MDM2: variants seen among roughly 807,000 people sequenced by gnomAD.
MDM2 encodes the protein E3 ubiquitin-protein ligase Mdm2.
Under a neutral mutation model 64.3 loss-of-function variants are expected in MDM2, and 11 were observed. The observed-to-expected ratio is 0.17, with a 90% CI of 0.11 to 0.28. The LOEUF is 0.28. Ranked by LOEUF, MDM2 falls within the 10% of genes least tolerant of loss-of-function variation. The pLI is 1.00. For missense variants in MDM2, 388 were observed against 577.1 expected (o/e 0.67, Z 3.36); for synonymous variants, 194 against 192.9 (o/e 1.01, Z -0.05).
rs572192142 is a variant in MDM2 at position 68,843,609 on chromosome 12, G to A, written c.*3760G>A. The A allele has an allele frequency of 4.5e-3, 1,006 of 225,722 alleles. 13 individuals carry two copies. Among genetic ancestry groups the A allele is most frequent in the African/African-American group, 0.021 (927 of 44,946 alleles). 14.0% of individuals were successfully genotyped at this position (225,722 alleles called of 1,614,324 possible). On this transcript the variant is annotated 3_prime_UTR_variant, in exon 11 of 11. Transcript: ENST00000258149. ...TGTGAATTGTATATACTTAGGTGAA[G>A]ACAATAAAATCAACTGAACTGTAAG... is the stretch of plus-strand genomic sequence containing the variant.
chr12:68,829,218 TGCACCAATA>T (rs1212386628), intron 8 of MDM2, among the ~76,000 whole-genome samples: 1 of 152,166 alleles, frequency 6.6e-6, no homozygotes, highest in Non-Finnish European at 1.5e-5. Flanking sequence ...TGTGGACCAC[TGCACCAATA>T]GTACAGTCAA....
At chr12:68,830,149 C>T (rs191787783) in intron 8 of MDM2, among the ~76,000 whole-genome samples, 129 of 152,026 alleles carry the variant, frequency 8.5e-4, no homozygotes, top group Non-Finnish European at 1.1e-3. Flanking sequence ...ATGTCGCCCA[C>T]GGAAACCAAA....
At chr12:68,834,107 C>G (rs1883118126) in intron 8 of MDM2, among the ~76,000 whole-genome samples, 1 of 152,146 alleles carries the variant, frequency 6.6e-6, no homozygotes, top group Admixed American at 6.5e-5. Flanking sequence ...ATCATTTAAT[C>G]TAAGCTCCTT....
At chr12:68,837,316 G>C (rs1721277386) in intron 10 of MDM2, among the ~76,000 whole-genome samples, 1 of 151,578 alleles carries the variant, frequency 6.6e-6, no homozygotes, top group South Asian at 2.1e-4. Context: ...TCATCACCCA[G>C]CTTTAACTAT....
intron 4 of MDM2, 168 bp downstream of exon 4, chr12:68,817,113 C>A: frequency 3.0e-6 from 2 of 664,672 alleles, no homozygotes; most frequent in Non-Finnish European, 4.7e-6. Context: ...TGAGCTCTGG[C>A]ATCTTATAAA....
At chr12:68,846,724 T>G (rs1884321063), downstream of MDM2, 1 of 152,238 alleles carries the variant, frequency 6.6e-6, no homozygotes, top group African/African-American at 2.4e-5. Context: ...AAATGGGTGC[T>G]TGCTTTTCAC....
chr12:68,843,317 T>A lies in MDM2; in HGVS notation c.*3468T>A, dbSNP rs191269358. 8.1e-4 allele frequency: 176 copies of A among 218,354 alleles called. No individual in the cohort carries two copies. The East Asian group carries it at 0.011, about 14-fold the overall frequency. 13.5% of individuals were successfully genotyped at this position (218,354 alleles called of 1,614,324 possible). ...TATTGAGAGAGAGAGAGAGAGAGAG[T>A]AGGGTGACTATAGTTAATGTATTGA... On this transcript the variant is annotated 3_prime_UTR_variant, in exon 11 of 11. Coordinates refer to ENST00000258149, the MANE Select transcript of MDM2 (RefSeq NM_002392.6).
intron 4 of MDM2, among the ~76,000 whole-genome samples, chr12:68,818,848 A>G (rs1261906051): frequency 6.6e-6 from 1 of 151,416 alleles, no homozygotes; most frequent in African/African-American, 2.4e-5. Context: ...CTCTTGCCTC[A>G]GCCTCCTGAG....
chr12:68,820,881 C>T (rs1881781767), intron 5 of MDM2, among the ~76,000 whole-genome samples: 1 of 151,998 alleles, frequency 6.6e-6, no homozygotes, highest in Non-Finnish European at 1.5e-5. Flanking sequence ...GGTTCTTGTT[C>T]CAGAAAGATG....
chr12:68,846,148 T>A (rs539292109), downstream of MDM2: 17 of 152,220 alleles, frequency 1.1e-4, no homozygotes, highest in African/African-American at 4.1e-4. Context: ...AGAGATGGGG[T>A]TTCAGCATGT....
At chr12:68,812,197 T>TA (rs56187630) in intron 2 of MDM2, among the ~76,000 whole-genome samples, 192 of 149,094 alleles carry the variant, frequency 1.3e-3, no homozygotes, top group African/African-American at 2.5e-3. Context: ...TAAGCACAGT[T>TA]AAAAAAAAAA....
intron 7 of MDM2, among the ~76,000 whole-genome samples, chr12:68,826,286 C>T (rs1253628257): frequency 6.6e-6 from 1 of 151,872 alleles, no homozygotes; most frequent in East Asian, 1.9e-4. Flanking sequence ...TGTGTATTAG[C>T]ACTGATAAAC....
At chr12:68,821,762 A>C (rs1460016916) in intron 5 of MDM2, among the ~76,000 whole-genome samples, 1 of 152,118 alleles carries the variant, frequency 6.6e-6, no homozygotes, top group African/African-American at 2.4e-5. Context: ...ACCTCTCAGG[A>C]GCTTGTTTAG....
At chr12:68,828,461 G>A (rs1882517244) in intron 7 of MDM2, 3 of 247,256 alleles carry the variant, frequency 1.2e-5, no homozygotes, top group Admixed American at 9.5e-5. Context: ...CCAGCTACTC[G>A]GGAGGCTGAG....
intron 4 of MDM2, among the ~76,000 whole-genome samples, chr12:68,818,248 T>C (rs1345772514): frequency 6.6e-6 from 1 of 152,146 alleles, no homozygotes; most frequent in Non-Finnish European, 1.5e-5. Context: ...GCTGAAAAGA[T>C]GATAATTAAA....
Position 68,835,969 on chromosome 12 carries a change from A to C in MDM2, c.825A>C (p.Ser275=), listed in dbSNP as rs772363391. Residue 275 remains serine, a synonymous_variant, in exon 9 of 11, where the codon TCA becomes TCC. Coordinates refer to ENST00000258149, the MANE Select transcript of MDM2 (RefSeq NM_002392.6). The stretch of plus-strand genomic sequence containing the variant: ...TTAGTGAAGAAGGACAAGAACTCTC[A>C]GATGAAGATGATGAGGTAGTATTTT... ...YSLSEEGQEL[S]DEDDEVYQVT... 4.4e-6 allele frequency: 7 copies of C among 1,606,944 alleles called. No individual in the cohort carries two copies. The highest frequency in any genetic ancestry group is 1.7e-4 in the Middle Eastern group (1 of 6,048).
chr12:68,832,795 G>T (rs1882902988), intron 8 of MDM2, among the ~76,000 whole-genome samples: 1 of 151,622 alleles, frequency 6.6e-6, no homozygotes, highest in Non-Finnish European at 1.5e-5. Context: ...TGGGATTACA[G>T]GCATGAGCCA....
chr12:68,847,201 T>G (rs1355966201), downstream of MDM2: 1 of 132,226 alleles, frequency 7.6e-6, no homozygotes, highest in Non-Finnish European at 1.6e-5. Flanking sequence ...GTACATTATA[T>G]ATATATATAT....
At chr12:68,827,323 A>G (rs1476668929) in intron 7 of MDM2, among the ~76,000 whole-genome samples, 1 of 151,996 alleles carries the variant, frequency 6.6e-6, no homozygotes, top group Non-Finnish European at 1.5e-5. Flanking sequence ...TCTATTACTC[A>G]AGTACATGAC....
Sources: gnomAD v4.1 joint callset for allele counts (sites outside exome capture counted in the v4.1 genomes callset) on GRCh38, gnomAD v4.1.1 for gene constraint, MANE v1.5 for transcripts, NCBI Gene and HGNC (gene_info 2026-07-23, HGNC 2026-07-21) for gene names.